CASK: variants seen among roughly 807,000 people sequenced by gnomAD.
CASK encodes peripheral plasma membrane protein CASK.
A neutral mutation model predicts 82.9 loss-of-function variants in CASK; 4 were observed. That is an observed-to-expected ratio of 0.05 (90% CI 0.02 to 0.11). The LOEUF (loss-of-function observed/expected upper bound fraction) is 0.11. Among genes scored for constraint, CASK ranks in the 10% least tolerant of loss-of-function variants. CASK has a pLI of 1.00. For synonymous variants in CASK, 259 were observed against 253.5 expected (o/e 1.02, Z -0.20); for missense variants, 358 against 720.9 (o/e 0.50, Z 5.76).
intron 2 of CASK, among the ~76,000 whole-genome samples, chrX:41,814,120 T>C (rs1352390373): frequency 9.0e-6 from 1 of 111,625 alleles, no homozygotes; most frequent in Non-Finnish European, 1.9e-5. Context: ...TGTGGAGAAA[T>C]AGGAACACTT....
intron 12 of CASK, among the ~76,000 whole-genome samples, chrX:41,606,288 C>T (rs1360132433): frequency 9.0e-6 from 1 of 111,622 alleles, no homozygotes; most frequent in African/African-American, 3.3e-5. Flanking sequence ...ATTTTTGAGA[C>T]GGAGTCTCGC....
At chrX:41,535,360 C>T (rs1201806766) in intron 22 of CASK, among the ~76,000 whole-genome samples, 3 of 111,193 alleles carry the variant, frequency 2.7e-5, no homozygotes, top group African/African-American at 9.8e-5. Flanking sequence ...AGTCTACAGA[C>T]AGTGACCAAC....
intron 2 of CASK, among the ~76,000 whole-genome samples, chrX:41,826,614 G>A (rs2070672677): frequency 9.0e-6 from 1 of 111,050 alleles, no homozygotes; most frequent in Non-Finnish European, 1.9e-5. Flanking sequence ...TGGGACTACA[G>A]GTCCATGCCA....
At chrX:41,630,141 G>C (rs1364587125) in intron 9 of CASK, among the ~76,000 whole-genome samples, 2 of 112,269 alleles carry the variant, frequency 1.8e-5, no homozygotes, top group Non-Finnish European at 3.8e-5. Flanking sequence ...TTAATTTGTA[G>C]TTAAGAACTA....
intron 25 of CASK, 150 bp from the exon 26 acceptor site, chrX:41,524,184 T>C: frequency 2.1e-6 from 1 of 466,081 alleles, no homozygotes; most frequent in African/African-American, 2.4e-5. Context: ...TTACCAACTT[T>C]ATACATAACT....
intron 22 of CASK, among the ~76,000 whole-genome samples, chrX:41,542,026 C>A (rs771694828): frequency 1.8e-5 from 2 of 112,033 alleles, no homozygotes; most frequent in Admixed American, 9.5e-5. Flanking sequence ...GGTATTAATT[C>A]CAGTTTTCAA....
chrX:41,728,254 C>T (rs2068304567), intron 5 of CASK: 1 of 293,164 alleles, frequency 3.4e-6, no homozygotes, highest in Non-Finnish European at 6.1e-6. Context: ...AAAAATTAAG[C>T]ATATTGAAAG....
intron 2 of CASK, among the ~76,000 whole-genome samples, chrX:41,818,654 T>C (rs182144596): frequency 2.7e-5 from 3 of 110,907 alleles, no homozygotes; most frequent in Non-Finnish European, 3.8e-5. Context: ...CAAGATAGTG[T>C]GGTATTACCC....
chrX:41,606,242 T>TTTCATTCA (rs201930152), intron 12 of CASK, among the ~76,000 whole-genome samples: 5 of 103,885 alleles, frequency 4.8e-5, no homozygotes, highest in South Asian at 9.2e-4. Context: ...ATGATTAAGC[T>TTTCATTCA]TTCATTCATT....
chrX:41,672,390 G>A (rs964067116), intron 5 of CASK, among the ~76,000 whole-genome samples: 4 of 110,942 alleles, frequency 3.6e-5, no homozygotes, highest in African/African-American at 1.3e-4. Flanking sequence ...GGGGAGCTCT[G>A]GTATCTGCTT....
At chrX:41,899,837 T>C (rs1246359765) in intron 1 of CASK, among the ~76,000 whole-genome samples, 21 of 111,616 alleles carry the variant, frequency 1.9e-4, no homozygotes, top group African/African-American at 5.9e-4. Context: ...AATTTAACTA[T>C]ATTCTTACTT....
At chrX:41,779,969 A>G (rs1162655663) in intron 3 of CASK, among the ~76,000 whole-genome samples, 1 of 112,172 alleles carries the variant, frequency 8.9e-6, no homozygotes, top group Non-Finnish European at 1.9e-5. Flanking sequence ...TAAAAATATT[A>G]AAGATAAAAA....
At chrX:41,690,428 C>G (rs940230560) in intron 5 of CASK, among the ~76,000 whole-genome samples, 1 of 110,433 alleles carries the variant, frequency 9.1e-6, no homozygotes, top group South Asian at 3.9e-4. Context: ...CTCACTGCAG[C>G]CTCTGTCTCC....
chrX:41,814,348 G>A (rs1238556216), intron 2 of CASK, among the ~76,000 whole-genome samples: 2 of 111,428 alleles, frequency 1.8e-5, no homozygotes, highest in Non-Finnish European at 3.8e-5. Flanking sequence ...CAACCCAAAT[G>A]TCCATCCATG....
intron 14 of CASK, among the ~76,000 whole-genome samples, chrX:41,583,376 T>C (rs895239743): frequency 1.1e-4 from 12 of 112,122 alleles, no homozygotes; most frequent in African/African-American, 3.6e-4. Flanking sequence ...CGGCCCTATA[T>C]CATTCTCTGA....
intron 3 of CASK, among the ~76,000 whole-genome samples, chrX:41,757,780 G>A (rs1379485112): frequency 1.8e-5 from 2 of 112,175 alleles, no homozygotes; most frequent in Non-Finnish European, 3.8e-5. Flanking sequence ...GATTACAGGC[G>A]TGAGCCACTG....
chrX:41,524,189 A>G, intron 25 of CASK, 155 bp from the exon 26 acceptor site: 1 of 459,310 alleles, frequency 2.2e-6, no homozygotes, highest in Non-Finnish European at 3.8e-6. Flanking sequence ...AACTTTATAC[A>G]TAACTTATAT....
At chrX:41,919,429 T>C (rs930248839) in intron 1 of CASK, 2 of 112,335 alleles carry the variant, frequency 1.8e-5, no homozygotes, top group African/African-American at 6.5e-5. Context: ...TGTTATTCCC[T>C]TTCATACACA....
At chrX:41,662,863 G>C (rs1240493684) in intron 7 of CASK, among the ~76,000 whole-genome samples, 1 of 106,880 alleles carries the variant, frequency 9.4e-6, no homozygotes, top group Non-Finnish European at 1.9e-5. Flanking sequence ...GGGAAGACAG[G>C]GTCTTGCTCT....
Sources: gnomAD v4.1 joint callset for allele counts (sites outside exome capture counted in the v4.1 genomes callset) on GRCh38, gnomAD v4.1.1 for gene constraint, MANE v1.5 for transcripts, NCBI Gene and HGNC (gene_info 2026-07-23, HGNC 2026-07-21) for gene names.